Variants in DENND4C observed in about 807,000 individuals in gnomAD.
DENND4C encodes the protein DENN domain-containing protein 4C.
A neutral mutation model predicts 203.0 loss-of-function variants in DENND4C; 108 were observed. The observed-to-expected ratio is 0.53, with a 90% CI of 0.46 to 0.62. The LOEUF is 0.62. DENND4C is among the 20% of genes least tolerant of loss of function. The pLI, the probability that DENND4C is intolerant of heterozygous loss-of-function variation, is 0.00. For missense variants in DENND4C, 2,481 were observed against 2,301.2 expected (o/e 1.08, Z -1.60); for synonymous variants, 871 against 792.4 (o/e 1.10, Z -1.67).
chr9:19,331,021 A>G (rs981073294), intron 16 of DENND4C, among the ~76,000 whole-genome samples: 3 of 151,738 alleles, frequency 2.0e-5, no homozygotes, highest in African/African-American at 7.3e-5. Flanking sequence ...ACGCCATTGC[A>G]CTCCAGCCTT....
chr9:19,251,467 G>T (rs1297526510), intron 1 of DENND4C, among the ~76,000 whole-genome samples: 1 of 152,204 alleles, frequency 6.6e-6, no homozygotes, highest in Non-Finnish European at 1.5e-5. Flanking sequence ...TTCCCCCTCT[G>T]TCTTGGGGAT....
chr9:19,248,310 C>T (rs1330902306), intron 1 of DENND4C, among the ~76,000 whole-genome samples: 1 of 152,098 alleles, frequency 6.6e-6, no homozygotes, highest in East Asian at 1.9e-4. Context: ...GACTTTTTTC[C>T]TGCCTGGAAT....
At chr9:19,262,970 A>G (rs1030915089) in intron 1 of DENND4C, among the ~76,000 whole-genome samples, 2 of 152,342 alleles carry the variant, frequency 1.3e-5, no homozygotes, top group South Asian at 2.1e-4. Context: ...TTTCAGTACT[A>G]TGTTGAATAA....
chr9:19,248,022 A>G (rs865924379), intron 1 of DENND4C, among the ~76,000 whole-genome samples: 8 of 152,158 alleles, frequency 5.3e-5, no homozygotes, highest in Admixed American at 2.6e-4. Context: ...ATTGCCTTCT[A>G]TCTGCTCTCC....
intron 20 of DENND4C, among the ~76,000 whole-genome samples, chr9:19,337,154 T>C (rs530223553): frequency 6.6e-6 from 1 of 152,214 alleles, no homozygotes; most frequent in African/African-American, 2.4e-5. Context: ...CAAATCTTTT[T>C]AAAAAATTAA....
chr9:19,282,160 C>T (rs1375548388), intron 2 of DENND4C, among the ~76,000 whole-genome samples: 1 of 40,104 alleles, frequency 2.5e-5, no homozygotes, highest in Non-Finnish European at 7.7e-5. Flanking sequence ...GTTTAAAACA[C>T]TTACCATACA....
chr9:19,285,792 C>T (rs1467118589), intron 2 of DENND4C, among the ~76,000 whole-genome samples: 2 of 152,182 alleles, frequency 1.3e-5, no homozygotes, highest in Middle Eastern at 3.4e-3. Flanking sequence ...TCCAGTTATT[C>T]CAACACTACA....
intron 1 of DENND4C, among the ~76,000 whole-genome samples, chr9:19,238,662 T>C (rs1445289177): frequency 8.9e-5 from 6 of 67,364 alleles, no homozygotes; most frequent in Admixed American, 1.8e-4. Context: ...CCCCTGCCCC[T>C]TTTTTTTTGA....
chr9:19,328,691 C>T (rs1298414430), intron 16 of DENND4C, among the ~76,000 whole-genome samples: 1 of 151,798 alleles, frequency 6.6e-6, no homozygotes, highest in African/African-American at 2.4e-5. Flanking sequence ...ATCTATCTAT[C>T]TATCTGTCTA....
In DENND4C at chr9:19,303,770, T is replaced by G. The variant is rs958778885; in HGVS notation, c.1312-1582T>G. 1.4e-4 allele frequency among the ~76,000 whole-genome samples: 22 copies of G among 152,310 alleles called. 2 individuals are homozygous for G. The highest frequency in any genetic ancestry group is 4.6e-4 in the Admixed American group (7 of 15,306). ...TGACAGATAAGGGTGATAATTGAAC[T>G]AGACCTTAAAAGATAACAGGGATTT... On this transcript the variant is annotated intron_variant, in intron 9 of 32. Transcript: ENST00000434457.
At chr9:19,273,095 C>T (rs1017785031) in intron 1 of DENND4C, among the ~76,000 whole-genome samples, 1 of 151,658 alleles carries the variant, frequency 6.6e-6, no homozygotes, top group Admixed American at 6.6e-5. Context: ...ACTACAGGCA[C>T]CCGCCGCCAC....
intron 10 of DENND4C, among the ~76,000 whole-genome samples, chr9:19,312,368 G>C (rs1840910579): frequency 6.6e-6 from 1 of 152,118 alleles, no homozygotes; most frequent in African/African-American, 2.4e-5. Context: ...CTCCCAAAGT[G>C]CTGGGATTAA....
chr9:19,267,971 T>C (rs1830850185), intron 1 of DENND4C, among the ~76,000 whole-genome samples: 1 of 152,166 alleles, frequency 6.6e-6, no homozygotes, highest in Non-Finnish European at 1.5e-5. Context: ...ACTACCATTT[T>C]GTTATTTGTT....
chr9:19,256,297 G>GTTTTTTTTTTTTT (rs796711741), intron 1 of DENND4C, among the ~76,000 whole-genome samples: 2 of 122,610 alleles, frequency 1.6e-5, no homozygotes, highest in Non-Finnish European at 3.4e-5. Flanking sequence ...TTTCTTTTCT[G>GTTTTTTTTTTTTT]TTTTTTTTTT....
rs763760150 is a variant in DENND4C at position 19,374,239 on chromosome 9, G to A, written c.*2066G>A. On this transcript the variant is annotated 3_prime_UTR_variant, in exon 33 of 33. Transcript: ENST00000434457. ...AACTCAAGTTTTCACTTACTGACGC[G>A]CTTCCCATTAAAAAAAATCTGTAAA... 2.6e-5 allele frequency among the ~76,000 whole-genome samples: 4 copies of A among 151,588 alleles called. No individual in the cohort carries two copies. The highest frequency in any genetic ancestry group is 1.9e-4 in the East Asian group (1 of 5,182).
rs369780786 is a variant in DENND4C at position 19,358,323 on chromosome 9, C to T, written c.5160+163C>T. Among the ~76,000 whole-genome samples the T allele has an allele frequency of 1.3e-5, 2 of 152,052 alleles. No homozygotes were observed. Among genetic ancestry groups the T allele is most frequent in the Non-Finnish European group, 2.9e-5 (2 of 67,992 alleles). ...TATTGTGGAGAATTTCAAATATGTA[C>T]AAAAAGAAACAGTATAATGAGTCCC... On this transcript the variant is annotated intron_variant, in intron 28 of 32. Coordinates refer to ENST00000434457, the MANE Select transcript of DENND4C (RefSeq NM_001330640.2). The surrounding 1 kb of genome is among the most constrained non-coding windows in gnomAD (Gnocchi z 4.8).
intron 9 of DENND4C, among the ~76,000 whole-genome samples, chr9:19,302,774 C>T (rs1027874405): frequency 3.3e-5 from 5 of 152,182 alleles, no homozygotes; most frequent in African/African-American, 1.2e-4. Flanking sequence ...CTTACCATCC[C>T]GGGAGCATTA....
Position 19,307,916 on chromosome 9 carries a change from G to T in DENND4C, c.1487+2389G>T, listed in dbSNP as rs183840205. Among the ~76,000 whole-genome samples the T allele has an allele frequency of 5.9e-5, 9 of 151,862 alleles. No individual in the cohort carries two copies. The East Asian group carries it at 1.7e-3, about 29-fold the overall frequency. ...AACTCCAAATCCAACCATCATCTTA[G>T]ATTTGGAGTTTATCACATACATGTA... On this transcript the variant is annotated intron_variant, in intron 10 of 32. Coordinates refer to ENST00000434457, the MANE Select transcript of DENND4C (RefSeq NM_001330640.2).
intron 21 of DENND4C, 138 bp from the exon 22 acceptor site, chr9:19,342,495 T>G: frequency 1.3e-6 from 1 of 797,336 alleles, no homozygotes; most frequent in Non-Finnish European, 1.8e-6. Context: ...AGACACAGTC[T>G]ATTTTACTTT....
Sources: allele counts gnomAD v4.1 joint callset (sites outside exome capture counted in the v4.1 genomes callset), GRCh38; gene constraint gnomAD v4.1.1; non-coding constraint Gnocchi (gnomAD v3.1); transcripts MANE v1.5; gene names NCBI Gene and HGNC (gene_info 2026-07-23, HGNC 2026-07-21).